Variants in NRXN3 observed in about 807,000 individuals in gnomAD.
The protein encoded by NRXN3 is neurexin III.
NRXN3 carries 32 observed loss-of-function variants against 137.6 expected under a neutral mutation model. The observed-to-expected ratio is 0.23, with a 90% CI of 0.18 to 0.31. NRXN3 has a LOEUF of 0.31. NRXN3 is among the 10% of genes least tolerant of loss of function. The pLI is 1.00. For synonymous variants in NRXN3, 798 were observed against 784.5 expected (o/e 1.02, Z -0.29); for missense variants, 1,574 against 2,062.5 (o/e 0.76, Z 4.59).
At chr14:79,431,084 G>T (rs1348856151) in intron 15 of NRXN3, among the ~76,000 whole-genome samples, 3 of 152,102 alleles carry the variant, frequency 2.0e-5, no homozygotes, top group Non-Finnish European at 4.4e-5. Context: ...AGGACTGAAT[G>T]CATAGCTGAA....
At chr14:78,267,911 G>A (rs2072052008) in intron 2 of NRXN3, among the ~76,000 whole-genome samples, 1 of 152,194 alleles carries the variant, frequency 6.6e-6, no homozygotes, top group South Asian at 2.1e-4. Context: ...CTAAGTCAGT[G>A]TCTGGCATGT....
At position 79,351,640 on chromosome 14, in the gene NRXN3, A is replaced by G. The variant is rs117092313; in HGVS notation, c.3263-115581A>G. Among the ~76,000 whole-genome samples the G allele has an allele frequency of 3.1e-3, 471 of 152,286 alleles. 1 individual carries two copies. Among genetic ancestry groups the G allele is most frequent in the Non-Finnish European group, 5.0e-3 (342 of 68,026 alleles). ...TAATATTATATACACAAGTAGCAAA[A>G]TGTCTGGAACAGAGCAAGGGCTCAC... is the stretch of plus-strand genomic sequence containing the variant. On this transcript the variant is annotated intron_variant, in intron 15 of 20. Coordinates refer to ENST00000335750, the MANE Select transcript of NRXN3 (RefSeq NM_001330195.2).
intron 14 of NRXN3, among the ~76,000 whole-genome samples, chr14:78,973,922 A>T (rs750601057): frequency 1.3e-5 from 2 of 152,212 alleles, no homozygotes; most frequent in Non-Finnish European, 2.9e-5. Flanking sequence ...CTTTCTTGTT[A>T]TATGCCATGT....
intron 15 of NRXN3, among the ~76,000 whole-genome samples, chr14:79,224,173 A>G (rs75809640): frequency 3.9e-5 from 6 of 152,034 alleles, no homozygotes; most frequent in Non-Finnish European, 2.9e-5. Flanking sequence ...TTTTTTTCCT[A>G]TGGTGATTGT....
intron 16 of NRXN3, among the ~76,000 whole-genome samples, chr14:79,578,789 G>A (rs1232957210): frequency 6.6e-6 from 1 of 152,110 alleles, no homozygotes; most frequent in African/African-American, 2.4e-5. Flanking sequence ...AAAAGGAAAC[G>A]CTGTTTTGAA....
At chr14:79,387,959 G>C (rs1299339404) in intron 15 of NRXN3, among the ~76,000 whole-genome samples, 15 of 113,936 alleles carry the variant, frequency 1.3e-4, no homozygotes, top group African/African-American at 4.1e-4. Context: ...GTTGTGGGGT[G>C]GGGGGAGGGG....
chr14:78,625,810 G>T (rs1170178669), intron 4 of NRXN3, among the ~76,000 whole-genome samples: 1 of 152,198 alleles, frequency 6.6e-6, no homozygotes, highest in Admixed American at 6.5e-5. Flanking sequence ...TGTGTGTGAG[G>T]CTCAAGGTTA....
chr14:78,976,828 C>A (rs1314405956), intron 14 of NRXN3, among the ~76,000 whole-genome samples: 1 of 152,082 alleles, frequency 6.6e-6, no homozygotes, highest in Non-Finnish European at 1.5e-5. Context: ...AACTGTACAC[C>A]CAACTTAAGT....
At chr14:79,769,172 G>A (rs1004792924) in intron 19 of NRXN3, among the ~76,000 whole-genome samples, 5 of 148,146 alleles carry the variant, frequency 3.4e-5, no homozygotes, top group African/African-American at 1.2e-4. Flanking sequence ...GTGACCGGGA[G>A]AATGGAACCA....
chr14:78,915,599 A>C (rs1464550353), intron 10 of NRXN3, among the ~76,000 whole-genome samples: 1 of 152,102 alleles, frequency 6.6e-6, no homozygotes, highest in Non-Finnish European at 1.5e-5. Flanking sequence ...AATAAATAGC[A>C]CTGTAATGTG....
At chr14:78,987,175 A>G (rs1389580840) in intron 14 of NRXN3, among the ~76,000 whole-genome samples, 5 of 152,202 alleles carry the variant, frequency 3.3e-5, no homozygotes, top group South Asian at 2.1e-4. Flanking sequence ...TTCTAATTCA[A>G]TGGGTCTGGG....
Position 79,867,527 on chromosome 14 carries a change from T to G in NRXN3, c.*5563T>G, listed in dbSNP as rs1247603887. 1 of 152,216 alleles carries G rather than the reference T, an allele frequency of 6.6e-6. No homozygotes were observed. Among genetic ancestry groups the G allele is most frequent in the African/African-American group, 2.4e-5 (1 of 41,434 alleles). 9.4% of individuals were successfully genotyped at this position (152,216 alleles called of 1,614,324 possible). A position where few individuals can be genotyped will look rare whatever the true frequency, so the allele number is the denominator to read the frequency against. On this transcript the variant is annotated 3_prime_UTR_variant, in exon 21 of 21. Coordinates refer to ENST00000335750, the MANE Select transcript of NRXN3 (RefSeq NM_001330195.2). ...GCTCTTCTTATAAGACCACCAGTGC[T>G]ATTGGTTAAAGCCCTGCCATTATGA...
At chr14:78,578,956 GA>G (rs369168547) in intron 4 of NRXN3, among the ~76,000 whole-genome samples, 1,808 of 140,092 alleles carry the variant, frequency 0.013, 37 homozygotes, top group African/African-American at 0.043. Context: ...AAAGAAAAAA[GA>G]AAAAAAAAAA....
intron 19 of NRXN3, among the ~76,000 whole-genome samples, chr14:79,720,277 G>A (rs1007782229): frequency 1.3e-5 from 2 of 151,960 alleles, no homozygotes; most frequent in African/African-American, 2.4e-5. Flanking sequence ...GAACAATATG[G>A]GGGAAACTGT....
chr14:79,050,728 T>C (rs2099640614), intron 15 of NRXN3, among the ~76,000 whole-genome samples: 1 of 152,212 alleles, frequency 6.6e-6, no homozygotes, highest in African/African-American at 2.4e-5. Flanking sequence ...CATAGCTTGT[T>C]CTCTCCCAGC....
intron 7 of NRXN3, 85 bp from the exon 8 acceptor site, chr14:78,714,671 G>A (rs2098423678): frequency 1.4e-6 from 2 of 1,467,218 alleles, no homozygotes; most frequent in Admixed American, 3.6e-5. Flanking sequence ...CCAGCCAATG[G>A]CTGGGCTCAG....
chr14:78,530,123 G>A (rs1356896863), intron 4 of NRXN3, among the ~76,000 whole-genome samples: 1 of 152,126 alleles, frequency 6.6e-6, no homozygotes, highest in Admixed American at 6.5e-5. Flanking sequence ...AGAGATAAAA[G>A]AAAGAAAGAA....
intron 4 of NRXN3, among the ~76,000 whole-genome samples, chr14:78,477,883 GTC>G (rs72004481): frequency 0.051 from 7,733 of 152,054 alleles, 251 homozygotes; most frequent in African/African-American, 0.093. Context: ...ACAGGCTTAT[GTC>G]TCTCTCTGTC....
chr14:79,463,305 C>G (rs970343150), intron 15 of NRXN3, among the ~76,000 whole-genome samples: 3 of 152,068 alleles, frequency 2.0e-5, no homozygotes, highest in African/African-American at 4.8e-5. Flanking sequence ...CCTTTATGAT[C>G]GCATGGAAGA....
Sources: gnomAD v4.1 joint callset for allele counts (sites outside exome capture counted in the v4.1 genomes callset) on GRCh38, gnomAD v4.1.1 for gene constraint, MANE v1.5 for transcripts, NCBI Gene and HGNC (gene_info 2026-07-23, HGNC 2026-07-21) for gene names.